The following MADD variants were observed in gnomAD, a reference collection of about 807,000 sequenced individuals.
MADD encodes the protein MAP kinase-activating death domain protein.
A neutral mutation model predicts 176.7 loss-of-function variants in MADD; 109 were observed. That is an observed-to-expected ratio of 0.62 (90% CI 0.53 to 0.72). MADD has a LOEUF of 0.72. MADD is among the 30% of genes least tolerant of loss of function. MADD has a pLI of 0.00. For missense variants in MADD, 1,914 were observed against 2,045.5 expected, an observed-to-expected ratio of 0.94 and a Z score of 1.24; for synonymous variants, 771 against 771.3, an observed-to-expected ratio of 1.00 and a Z score of 0.01.
chr11:47,295,456 G>A, intron 20 of MADD, 40 bp from the exon 23 acceptor site: 1 of 1,509,548 alleles, frequency 6.6e-7, no homozygotes. Flanking sequence ...ACTGAGAGGA[G>A]ATTGGACACC....
At chr11:47,298,628 A>G (rs556775537) in intron 22 of MADD, among the ~76,000 whole-genome samples, 81 of 152,320 alleles carry the variant, frequency 5.3e-4, no homozygotes, top group African/African-American at 1.8e-3. Context: ...CCCATTCTGC[A>G]GACTGTCTCT....
At chr11:47,322,930 A>G (rs2094746443) in intron 27 of MADD, among the ~76,000 whole-genome samples, 1 of 152,046 alleles carries the variant, frequency 6.6e-6, no homozygotes. Flanking sequence ...AAGTCCGTAG[A>G]GCACATAAGA....
chr11:47,311,437 T>C (rs1388704471), intron 25 of MADD, among the ~76,000 whole-genome samples: 1 of 152,154 alleles, frequency 6.6e-6, no homozygotes, highest in Non-Finnish European at 1.5e-5. Flanking sequence ...TTAGAGCCCT[T>C]GTAGGGGTGA....
intron 1 of MADD, among the ~76,000 whole-genome samples, chr11:47,273,611 C>T (rs1332676927): frequency 6.9e-6 from 1 of 145,072 alleles, no homozygotes; most frequent in Non-Finnish European, 1.5e-5. Context: ...TCTGGGATTA[C>T]AGGCGTGAGC....
chr11:47,310,057 G>T (rs1166406621), intron 25 of MADD, among the ~76,000 whole-genome samples: 1 of 152,006 alleles, frequency 6.6e-6, no homozygotes, highest in African/African-American at 2.4e-5. Flanking sequence ...GGCCAGGCTG[G>T]TCTCAAACTC....
intron 27 of MADD, among the ~76,000 whole-genome samples, chr11:47,320,637 T>G (rs1405891352): frequency 1.3e-5 from 2 of 151,118 alleles, no homozygotes; most frequent in East Asian, 3.9e-4. Flanking sequence ...ATTTAAAAAT[T>G]AGTCATACAT....
At chr11:47,296,172 A>C in intron 22 of MADD, 117 bp downstream of exon 24, 1 of 1,209,258 alleles carries the variant, frequency 8.3e-7, no homozygotes, top group Non-Finnish European at 1.2e-6. Context: ...AGGAAGAGGT[A>C]ATCTTCTTAT....
chr11:47,279,839 G>A (rs1027342312), intron 7 of MADD, among the ~76,000 whole-genome samples: 2 of 151,892 alleles, frequency 1.3e-5, no homozygotes, highest in South Asian at 2.1e-4. Context: ...TTGGGAGGCC[G>A]AGGCAGGTGA....
At chr11:47,294,956 T>C (rs1003713883) in intron 20 of MADD, among the ~76,000 whole-genome samples, 1 of 152,144 alleles carries the variant, frequency 6.6e-6, no homozygotes, top group African/African-American at 2.4e-5. Flanking sequence ...ATTTCCTTAT[T>C]CTTTCATGTA....
intron 25 of MADD, 115 bp downstream of exon 28, chr11:47,309,727 A>C (rs572187955): frequency 1.4e-6 from 1 of 717,336 alleles, no homozygotes; most frequent in African/African-American, 1.8e-5. Flanking sequence ...ACTTAGGGCT[A>C]TCTTCTTGAT....
At chr11:47,297,317 T>C (rs1372028116) in intron 22 of MADD, among the ~76,000 whole-genome samples, 1 of 152,142 alleles carries the variant, frequency 6.6e-6, no homozygotes, top group East Asian at 1.9e-4. Flanking sequence ...AGAGTGGAGA[T>C]TGGGAATAGG....
At chr11:47,324,805 A>G in intron 30 of MADD, 1 of 678,256 alleles carries the variant, frequency 1.5e-6, no homozygotes, top group Non-Finnish European at 2.7e-6. Flanking sequence ...GAGGCTGGGC[A>G]GGAGCGAGGC....
intron 15 of MADD, 134 bp from the exon 17 acceptor site, chr11:47,289,257 G>A (rs2063250019): frequency 7.3e-6 from 6 of 825,720 alleles, no homozygotes; most frequent in Non-Finnish European, 1.2e-5. Context: ...TTCTACCTAC[G>A]TATGATGCCT....
Position 47,311,283 on chromosome 11 carries a change from C to T in MADD, c.3979-449C>T, listed in dbSNP as rs1349549629. On this transcript the variant is annotated intron_variant, in intron 25 of 32. Coordinates refer to ENST00000402192, the Ensembl canonical transcript of MADD. ...TTCCTGGTGTAAGTTGCACTGTACTCTGTGGAATTTGGAGGGTACCAGTTG... is the reference window on the plus strand; with the variant it reads ...TTCCTGGTGTAAGTTGCACTGTACTTTGTGGAATTTGGAGGGTACCAGTTG... 2.0e-5 allele frequency among the ~76,000 whole-genome samples: 3 copies of T among 152,026 alleles called. No individual in the cohort carries two copies. The East Asian group carries it at 5.8e-4, about 29-fold the overall frequency.
In MADD at chr11:47,324,261, A is replaced by G; in HGVS notation, c.4363-4A>G. 1 of 1,613,984 alleles carries G rather than the reference A, an allele frequency of 6.2e-7. No homozygotes were observed. The highest frequency in any genetic ancestry group is 1.6e-4 in the Middle Eastern group (1 of 6,062). ...GATGGGACCACTCTCCCCCTGTGCC[A>G]CAGTGTCGGGAGCTGTACTACTGTG... On this transcript the variant is annotated splice_polypyrimidine_tract_variant and splice_region_variant and intron_variant, in intron 28 of 32. Transcript: ENST00000402192.
intron 7 of MADD, among the ~76,000 whole-genome samples, chr11:47,280,713 C>G (rs2055779209): frequency 1.3e-5 from 2 of 152,292 alleles, no homozygotes; most frequent in South Asian, 4.1e-4. Flanking sequence ...TCCAGGCACA[C>G]ACCACTGTGC....
chr11:47,324,724 A>G (rs2142174374), intron 30 of MADD, 147 bp downstream of exon 33: 2 of 719,236 alleles, frequency 2.8e-6, no homozygotes, highest in East Asian at 5.4e-5. Context: ...CAGGAAAGAA[A>G]CCCCAGGGGA....
intron 22 of MADD, among the ~76,000 whole-genome samples, chr11:47,306,128 G>A (rs1212173768): frequency 6.6e-6 from 1 of 152,134 alleles, no homozygotes; most frequent in Non-Finnish European, 1.5e-5. Context: ...GCTCTGAGCA[G>A]TCTAAGTACT....
rs1345490162 is a variant in MADD, at chr11:47,288,982, A to G, written c.2654-409A>G. Reference sequence around the variant, plus strand: ...TTGTGTCCCAGTATTTGGGCTAAATACTCTAATGGAGATTGTTACTGAAGC... The same window carrying G: ...TTGTGTCCCAGTATTTGGGCTAAATGCTCTAATGGAGATTGTTACTGAAGC... On this transcript the variant is annotated intron_variant, in intron 15 of 32. Coordinates refer to ENST00000402192, the Ensembl canonical transcript of MADD. 16 of 1,599,322 alleles carry G rather than the reference A, an allele frequency of 1.0e-5. No individual in the cohort carries two copies. Among genetic ancestry groups the G allele is most frequent in the Non-Finnish European group, 1.4e-5 (16 of 1,176,060 alleles).
Sources: gnomAD v4.1 joint callset for allele counts (sites outside exome capture counted in the v4.1 genomes callset) on GRCh38, gnomAD v4.1.1 for gene constraint, MANE v1.5 for transcripts, NCBI Gene and HGNC (gene_info 2026-07-23, HGNC 2026-07-21) for gene names.